Variants in PLEKHO2 observed in about 807,000 individuals in gnomAD.
PLEKHO2 encodes pleckstrin homology domain-containing family O member 2.
Under a neutral mutation model 32.7 loss-of-function variants are expected in PLEKHO2, and 20 were observed. The observed-to-expected ratio is 0.61, with a 90% confidence interval of 0.43 to 0.89. The LOEUF is 0.89. PLEKHO2 is among the 40% of genes least tolerant of loss of function. PLEKHO2 has a pLI of 0.00. For missense variants in PLEKHO2, 568 were observed against 621.2 expected (o/e 0.91, Z 0.91); for synonymous variants, 247 against 246.3 (o/e 1.00, Z -0.03).
chr15:64,862,261 T>C (rs1393202505), intron 5 of PLEKHO2, among the ~76,000 whole-genome samples: 1 of 151,414 alleles, frequency 6.6e-6, no homozygotes, highest in African/African-American at 2.4e-5. Flanking sequence ...TGGGTTGGGT[T>C]GAGAGAGGGA....
At chr15:64,850,944 A>AG (rs1396180247) in intron 2 of PLEKHO2, among the ~76,000 whole-genome samples, 1 of 152,202 alleles carries the variant, frequency 6.6e-6, no homozygotes, top group Non-Finnish European at 1.5e-5. Flanking sequence ...TGGGGGCAGA[A>AG]GGGGGAGCCT....
At chr15:64,848,528 A>G in intron 1 of PLEKHO2, 65 bp from the exon 2 acceptor site, 1 of 1,595,260 alleles carries the variant, frequency 6.3e-7, no homozygotes, top group East Asian at 2.2e-5. Flanking sequence ...TGTGTGACCT[A>G]TGAACCTGTG....
chr15:64,850,128 C>G (rs972286954), intron 2 of PLEKHO2, among the ~76,000 whole-genome samples: 11 of 151,970 alleles, frequency 7.2e-5, no homozygotes, highest in Non-Finnish European at 1.6e-4. Flanking sequence ...CCATTGCACT[C>G]CAGCCTGGAC....
intron 2 of PLEKHO2, among the ~76,000 whole-genome samples, chr15:64,849,448 C>CTTT (rs35854011): frequency 7.4e-6 from 1 of 134,452 alleles, no homozygotes; most frequent in Non-Finnish European, 1.6e-5. Flanking sequence ...GCCTGGCCCT[C>CTTT]TTTTTTTTTT....
intron 1 of PLEKHO2, 23 bp downstream of exon 1, chr15:64,842,051 C>T: frequency 8.1e-7 from 1 of 1,238,278 alleles, no homozygotes; most frequent in Non-Finnish European, 1.0e-6. Context: ...CCCGGCGGGG[C>T]GTTGGGCTGG....
At chr15:64,842,151 G>T in intron 1 of PLEKHO2, 123 bp downstream of exon 1, 1 of 972,838 alleles carries the variant, frequency 1.0e-6, no homozygotes, top group Non-Finnish European at 1.3e-6. Context: ...CTCAGGAAGA[G>T]CCTGGGCAAA....
rs1345487418 is a variant in PLEKHO2, at chr15:64,841,924, AGAGTCGCCGCC to A, written c.-92_-82del. On this transcript the variant is annotated 5_prime_UTR_variant, in exon 1 of 6. The change creates a new upstream start codon in the 5' untranslated region. Transcript: ENST00000323544. Reference sequence around the variant, plus strand: ...CGGCAGCCGGCGGGACAGAACGCGGAGAGTCGCCGCCTGGCCGGGCGTAGACGCGGTGGCAG... The same window carrying A: ...CGGCAGCCGGCGGGACAGAACGCGGATGGCCGGGCGTAGACGCGGTGGCAG... 1 of 1,170,726 alleles carries A rather than the reference AGAGTCGCCGCC, an allele frequency of 8.5e-7. No homozygotes were observed. The highest frequency in any genetic ancestry group is 1.1e-6 in the Non-Finnish European group (1 of 939,124). The allele number at this position is 1,170,726 out of a possible 1,614,324, so 72.5% of individuals were successfully genotyped here.
At chr15:64,845,165 G>A (rs1234567308) in intron 1 of PLEKHO2, among the ~76,000 whole-genome samples, 1 of 150,862 alleles carries the variant, frequency 6.6e-6, no homozygotes, top group Non-Finnish European at 1.5e-5. Flanking sequence ...AACCTGTGTT[G>A]TGGTTCCATC....
rs3840838 is a variant in PLEKHO2 at position 64,864,886 on chromosome 15, TC to T, written c.484-6del. 1.1e-5 allele frequency: 18 copies of T among 1,569,740 alleles called. No homozygotes were observed. The highest frequency in any genetic ancestry group is 1.4e-5 in the Non-Finnish European group (16 of 1,157,340). ...CAGCCAAGATGACACCCATATACCA[TC>T]CCCCCCACCAGGTGGCCAGTGCAGC... On this transcript the variant is annotated splice_polypyrimidine_tract_variant and intron_variant, in intron 5 of 5. Transcript: ENST00000323544.
chr15:64,850,865 G>A (rs1020146389), intron 2 of PLEKHO2, among the ~76,000 whole-genome samples: 2 of 152,198 alleles, frequency 1.3e-5, no homozygotes, highest in African/African-American at 4.8e-5. Flanking sequence ...CTATCGGAGG[G>A]CCCATCCACT....
rs2084690998 is a variant in PLEKHO2, at chr15:64,866,673, C to T, written c.*785C>T. ...TCTAGTCTCTGCCCCTGGATAGTGT[C>T]CAGCCTTGTATATTTCTGAAGAGGT... On this transcript the variant is annotated 3_prime_UTR_variant, in exon 6 of 6. Coordinates refer to ENST00000323544, the MANE Select transcript of PLEKHO2 (RefSeq NM_025201.5). 7.6e-6 allele frequency: 2 copies of T among 262,628 alleles called. No homozygotes were observed. Among genetic ancestry groups the T allele is most frequent in the East Asian group, 2.0e-4 (2 of 9,818 alleles). The allele number at this position is 262,628 out of a possible 1,614,324, so 16.3% of individuals were successfully genotyped here. A position where few individuals can be genotyped will look rare whatever the true frequency, so the allele number is the denominator to read the frequency against.
In PLEKHO2 at chr15:64,864,893, C is replaced by G. The variant is rs771367446; in HGVS notation, c.484-6C>G. 7 of 1,582,156 alleles carry G rather than the reference C, an allele frequency of 4.4e-6. No individual in the cohort carries two copies. The highest frequency in any genetic ancestry group is 5.2e-6 in the Non-Finnish European group (6 of 1,162,626). On this transcript the variant is annotated splice_polypyrimidine_tract_variant and splice_region_variant and intron_variant, in intron 5 of 5. Coordinates refer to ENST00000323544, the MANE Select transcript of PLEKHO2 (RefSeq NM_025201.5). ...GATGACACCCATATACCATCCCCCCCACCAGGTGGCCAGTGCAGCTTCTGA... is the reference window on the plus strand; with the variant it reads ...GATGACACCCATATACCATCCCCCCGACCAGGTGGCCAGTGCAGCTTCTGA...
At chr15:64,850,074 C>T (rs1213683666) in intron 2 of PLEKHO2, among the ~76,000 whole-genome samples, 1 of 151,826 alleles carries the variant, frequency 6.6e-6, no homozygotes, top group Admixed American at 6.6e-5. Context: ...GCAGGAGAAT[C>T]ACTTGAACCT....
intron 2 of PLEKHO2, among the ~76,000 whole-genome samples, chr15:64,853,887 A>G (rs1170305745): frequency 1.3e-5 from 2 of 152,200 alleles, no homozygotes; most frequent in African/African-American, 4.8e-5. Flanking sequence ...TGAGGTTCAG[A>G]GACTCAGGGA....
intron 2 of PLEKHO2, among the ~76,000 whole-genome samples, chr15:64,849,850 G>A (rs917454023): frequency 1.6e-4 from 24 of 150,858 alleles, no homozygotes; most frequent in African/African-American, 5.6e-4. Context: ...GCTCCATTCA[G>A]CAGTGGTAGT....
chr15:64,842,148 AGAGCCTGGGCAAATG>A, intron 1 of PLEKHO2, 120 bp downstream of exon 1: 1 of 981,570 alleles, frequency 1.0e-6, no homozygotes, highest in Non-Finnish European at 1.3e-6. Flanking sequence ...CACCTCAGGA[AGAGCCTGGGCAAATG>A]GGGCAGGGGC....
chr15:64,849,448 C>CTT (rs35854011), intron 2 of PLEKHO2, among the ~76,000 whole-genome samples: 28 of 134,510 alleles, frequency 2.1e-4, no homozygotes, highest in East Asian at 8.7e-4. Flanking sequence ...GCCTGGCCCT[C>CTT]TTTTTTTTTT....
intron 2 of PLEKHO2, among the ~76,000 whole-genome samples, chr15:64,851,933 G>C (rs925983831): frequency 1.3e-5 from 2 of 152,162 alleles, no homozygotes; most frequent in African/African-American, 2.4e-5. Context: ...GATTCCCGGG[G>C]AGGAGGAGAC....
At position 64,861,517 on chromosome 15, in the gene PLEKHO2, G is replaced by A. The variant is rs143331139; in HGVS notation, c.425G>A (p.Arg142Gln). 1.7e-4 allele frequency: 268 copies of A among 1,609,298 alleles called. No homozygotes were observed. The highest frequency in any genetic ancestry group is 2.1e-4 in the Non-Finnish European group (253 of 1,178,382). ...DKSCALEHVT[R>Q]DRVRGGQRRR... ...AGCTGCGCCCTGGAGCATGTGACAC[G>A]GGACCGGGTGCGAGGGGGCCAGCGA... Residue 142 changes from arginine (R) to glutamine (Q), a missense_variant, in exon 5 of 6, where the codon CGG (arginine) becomes CAG (glutamine). Physicochemically the swap from Arg to Gln is conservative, Grantham distance 43 (BLOSUM62 1). Transcript: ENST00000323544.
Sources: gnomAD v4.1 joint callset for allele counts (sites outside exome capture counted in the v4.1 genomes callset) on GRCh38, gnomAD v4.1.1 for gene constraint, MANE v1.5 for transcripts, NCBI Gene and HGNC (gene_info 2026-07-23, HGNC 2026-07-21) for gene names.